The following PDGFD variants were observed in gnomAD, a reference collection of about 807,000 sequenced individuals.
PDGFD encodes platelet-derived growth factor D.
PDGFD carries 30 observed loss-of-function variants against 44.7 expected under a neutral mutation model. The observed-to-expected ratio is 0.67, with a 90% CI of 0.50 to 0.91. The LOEUF (loss-of-function observed/expected upper bound fraction) is 0.91. Among genes scored for constraint, PDGFD ranks in the 40% least tolerant of loss-of-function variants. The pLI, the probability that PDGFD is intolerant of heterozygous loss-of-function variation, is 0.00. For missense variants in PDGFD, 445 were observed against 457.8 expected, an observed-to-expected ratio of 0.97 and a Z score of 0.25; for synonymous variants, 173 against 168.4, an observed-to-expected ratio of 1.03 and a Z score of -0.21.
chr11:103,947,511 T>C lies in PDGFD; in HGVS notation c.573+151A>G, dbSNP rs531611429. The C allele has an allele frequency of 1.2e-5, 8 of 647,360 alleles. No homozygotes were observed. The African/African-American group carries it at 1.4e-4, about 12-fold the overall frequency. The allele number at this position is 647,360 out of a possible 1,614,324, so 40.1% of individuals were successfully genotyped here. On this transcript the variant is annotated intron_variant, in intron 4 of 6. Coordinates refer to ENST00000393158, the MANE Select transcript of PDGFD (RefSeq NM_025208.5). ...GAAAAGGGTTTCTGACATAATCCAT[T>C]GTAACCTGAATGAAATGGAGAAACA...
intron 1 of PDGFD, among the ~76,000 whole-genome samples, chr11:104,086,777 G>A (rs1009482356): frequency 1.3e-5 from 2 of 152,148 alleles, no homozygotes; most frequent in Non-Finnish European, 2.9e-5. Flanking sequence ...GAAAACCGAG[G>A]CAAATGTTTA....
chr11:103,976,022 G>C (rs929282003), intron 3 of PDGFD, among the ~76,000 whole-genome samples: 5 of 151,914 alleles, frequency 3.3e-5, no homozygotes, highest in African/African-American at 1.2e-4. Context: ...TTTTTTTCTA[G>C]TTCTGTGAAG....
chr11:103,983,758 C>T (rs767055619), intron 3 of PDGFD, among the ~76,000 whole-genome samples: 8 of 151,718 alleles, frequency 5.3e-5, no homozygotes, highest in Non-Finnish European at 8.8e-5. Context: ...GGGCAAAGGA[C>T]GTGAACAGAC....
intron 1 of PDGFD, among the ~76,000 whole-genome samples, chr11:104,144,502 G>A (rs866683649): frequency 1.9e-5 from 1 of 53,100 alleles, no homozygotes; most frequent in Non-Finnish European, 3.0e-5. Context: ...GCAAAACTCC[G>A]TCACCAAAAA....
At chr11:103,987,642 T>C (rs995223310) in intron 3 of PDGFD, among the ~76,000 whole-genome samples, 1 of 152,232 alleles carries the variant, frequency 6.6e-6, no homozygotes, top group African/African-American at 2.4e-5. Context: ...TTTCTTGGAC[T>C]CACATTAATG....
At chr11:104,035,578 T>TC (rs1860217216) in intron 1 of PDGFD, among the ~76,000 whole-genome samples, 1 of 129,524 alleles carries the variant, frequency 7.7e-6, no homozygotes, top group Non-Finnish European at 1.7e-5. Flanking sequence ...TTTTTTTTTT[T>TC]TTTTGGAGGA....
Position 103,927,067 on chromosome 11 carries a change from A to C in PDGFD, c.832T>G (p.Ser278Ala), listed in dbSNP as rs1367887856. 1 of 1,614,212 alleles carries C rather than the reference A, an allele frequency of 6.2e-7. No individual in the cohort carries two copies. The highest frequency in any genetic ancestry group is 8.5e-7 in the Non-Finnish European group (1 of 1,180,030). ...KRYSCTPRNY[S>A]VNIREELKLA... ...TTCAGCTCTTCTCTTATATTGACCG[A>C]GTAATTCCTGGGAGTGCAACTGTAA... is the stretch of plus-strand genomic sequence containing the variant. The change falls in exon 6 of 7, where the codon TCG becomes GCG. Residue 278 changes from serine to alanine, a missense_variant. Transcript: ENST00000393158.
At chr11:104,027,248 T>C (rs1019221014) in intron 1 of PDGFD, among the ~76,000 whole-genome samples, 6 of 152,236 alleles carry the variant, frequency 3.9e-5, no homozygotes, top group Non-Finnish European at 5.9e-5. Flanking sequence ...CATCCTGGAA[T>C]GAATGCAAGG....
chr11:104,098,221 T>G (rs1326146419), intron 1 of PDGFD, among the ~76,000 whole-genome samples: 1 of 152,120 alleles, frequency 6.6e-6, no homozygotes, highest in Non-Finnish European at 1.5e-5. Context: ...AGGCATTTAT[T>G]TGGTGAGAGA....
intron 3 of PDGFD, among the ~76,000 whole-genome samples, chr11:103,948,180 G>A (rs904476214): frequency 6.6e-6 from 1 of 152,168 alleles, no homozygotes; most frequent in Non-Finnish European, 1.5e-5. Flanking sequence ...GTTTAAACTA[G>A]GTTACGCATT....
chr11:103,973,648 G>A (rs1279449151), intron 3 of PDGFD, among the ~76,000 whole-genome samples: 2 of 152,126 alleles, frequency 1.3e-5, no homozygotes. Flanking sequence ...ATAGCTGAAG[G>A]GCCTGGCTGA....
intron 1 of PDGFD, among the ~76,000 whole-genome samples, chr11:104,065,273 T>C (rs578056230): frequency 6.6e-6 from 1 of 152,306 alleles, no homozygotes; most frequent in South Asian, 2.1e-4. Flanking sequence ...TATATACATC[T>C]ATCCTATTAT....
At chr11:103,937,675 G>T (rs574572213) in intron 5 of PDGFD, among the ~76,000 whole-genome samples, 2 of 149,954 alleles carry the variant, frequency 1.3e-5, no homozygotes, top group Non-Finnish European at 3.0e-5. Context: ...TTAACATTAG[G>T]TATATCTCCT....
intron 1 of PDGFD, among the ~76,000 whole-genome samples, chr11:104,023,129 A>G (rs899131034): frequency 6.6e-6 from 1 of 152,154 alleles, no homozygotes; most frequent in African/African-American, 2.4e-5. Flanking sequence ...AGCTTTGTAT[A>G]TAATTAAAAA....
intron 1 of PDGFD, among the ~76,000 whole-genome samples, chr11:104,135,327 G>A (rs760642195): frequency 1.3e-5 from 2 of 152,168 alleles, no homozygotes; most frequent in South Asian, 2.1e-4. Flanking sequence ...AGGGAACATA[G>A]AAAGGCTTTC....
intron 1 of PDGFD, among the ~76,000 whole-genome samples, chr11:104,099,658 A>AATAATC: frequency 1.4e-5 from 2 of 147,554 alleles, no homozygotes; most frequent in Admixed American, 1.3e-4. Context: ...TAATAATAAT[A>AATAATC]ATAATAATAA....
At chr11:103,964,121 CA>C in intron 3 of PDGFD, among the ~76,000 whole-genome samples, 1 of 152,010 alleles carries the variant, frequency 6.6e-6, no homozygotes, top group Non-Finnish European at 1.5e-5. Flanking sequence ...TTGCTTTGAC[CA>C]ACACAATGTA....
At chr11:103,955,751 G>A (rs894831483) in intron 3 of PDGFD, among the ~76,000 whole-genome samples, 1 of 152,068 alleles carries the variant, frequency 6.6e-6, no homozygotes, top group African/African-American at 2.4e-5. Context: ...GTTACAAGAA[G>A]CCCTGGATAG....
chr11:104,076,419 G>A (rs924759425), intron 1 of PDGFD, among the ~76,000 whole-genome samples: 2 of 152,252 alleles, frequency 1.3e-5, no homozygotes, highest in African/African-American at 2.4e-5. Flanking sequence ...TTTCATTAGA[G>A]GACAGAGTAG....
Sources: gnomAD v4.1 joint callset for allele counts (sites outside exome capture counted in the v4.1 genomes callset) on GRCh38, gnomAD v4.1.1 for gene constraint, MANE v1.5 for transcripts, NCBI Gene and HGNC (gene_info 2026-07-23, HGNC 2026-07-21) for gene names.